The following THSD7B variants were observed in gnomAD, a reference collection of about 807,000 sequenced individuals.
THSD7B encodes thrombospondin type-1 domain-containing protein 7B.
A neutral mutation model predicts 213.6 loss-of-function variants in THSD7B; 138 were observed. The observed-to-expected ratio is 0.65, with a 90% CI of 0.56 to 0.74. The LOEUF (loss-of-function observed/expected upper bound fraction) is 0.74. THSD7B is among the 30% of genes least tolerant of loss of function. The pLI, the probability that THSD7B is intolerant of heterozygous loss-of-function variation, is 0.00. For synonymous variants in THSD7B, 742 were observed against 687.0 expected (o/e 1.08, Z -1.25); for missense variants, 1,931 against 1,991.5 (o/e 0.97, Z 0.58).
At chr2:137,157,291 T>C (rs1679927783) in intron 5 of THSD7B, among the ~76,000 whole-genome samples, 1 of 152,162 alleles carries the variant, frequency 6.6e-6, no homozygotes, top group Admixed American at 6.6e-5. Context: ...AAGCTGCCCA[T>C]GGGGTCTCCA....
chr2:137,061,669 A>G (rs543350142), intron 3 of THSD7B, among the ~76,000 whole-genome samples: 4 of 151,838 alleles, frequency 2.6e-5, no homozygotes, highest in South Asian at 4.1e-4. Flanking sequence ...ACATTAATTG[A>G]TTTTCAAATG....
At position 136,825,718 on chromosome 2, in the gene THSD7B, A is replaced by ATTTTTTTTTTTTTTGTCTTTTT. The variant is rs759978910; in HGVS notation, c.-35-56412_-35-56411insGTCTTTTTTTTTTTTTTTTTTT. ...AGGTGCTCACTGCCATGCCTGGCTA[A>ATTTTTTTTTTTTTTGTCTTTTT]TTTTTTTTTTTTTTTTAGATCTGGG... On this transcript the variant is annotated intron_variant, in intron 1 of 27. Transcript: ENST00000409968. Among the ~76,000 whole-genome samples the ATTTTTTTTTTTTTTGTCTTTTT allele has an allele frequency of 2.0e-4, 23 of 116,894 alleles. 1 individual carries two copies. Among genetic ancestry groups the ATTTTTTTTTTTTTTGTCTTTTT allele is most frequent in the Non-Finnish European group, 3.4e-5 (2 of 59,410 alleles). The allele number at this position is 116,894 out of a possible 152,430, so 76.7% of individuals were successfully genotyped here. A position where few individuals can be genotyped will look rare whatever the true frequency, so the allele number is the denominator to read the frequency against.
At chr2:137,195,450 G>T (rs1558954133) in intron 7 of THSD7B, among the ~76,000 whole-genome samples, 3 of 151,916 alleles carry the variant, frequency 2.0e-5, no homozygotes, top group Non-Finnish European at 2.9e-5. Flanking sequence ...GTGCGAATCA[G>T]AAAAAACAAG....
At chr2:137,635,880 T>C (rs1682823776) in intron 20 of THSD7B, among the ~76,000 whole-genome samples, 2 of 152,130 alleles carry the variant, frequency 1.3e-5, no homozygotes, top group Admixed American at 6.6e-5. Context: ...TTTTTGTATT[T>C]TTAGTAGAAA....
At chr2:137,534,237 G>A (rs1680460201) in intron 15 of THSD7B, among the ~76,000 whole-genome samples, 1 of 151,594 alleles carries the variant, frequency 6.6e-6, no homozygotes, top group African/African-American at 2.4e-5. Flanking sequence ...ATTTATGAAG[G>A]GGTAAAGAGG....
chr2:137,117,752 A>G (rs1357381940), intron 5 of THSD7B, among the ~76,000 whole-genome samples: 1 of 152,146 alleles, frequency 6.6e-6, no homozygotes, highest in Non-Finnish European at 1.5e-5. Flanking sequence ...AACAGACTTC[A>G]TTTCCATGGA....
At chr2:137,378,335 A>T (rs955760864) in intron 12 of THSD7B, among the ~76,000 whole-genome samples, 7 of 152,320 alleles carry the variant, frequency 4.6e-5, no homozygotes, top group Middle Eastern at 3.4e-3. Context: ...AGGAGTGGCT[A>T]AAGAACTTCT....
At chr2:136,971,865 A>G (rs775230109) in intron 2 of THSD7B, among the ~76,000 whole-genome samples, 3 of 152,116 alleles carry the variant, frequency 2.0e-5, no homozygotes, top group Non-Finnish European at 4.4e-5. Flanking sequence ...TGGTACTGGC[A>G]GGGATTGGGC....
chr2:137,209,684 G>A (rs1476043820), intron 7 of THSD7B, among the ~76,000 whole-genome samples: 1 of 151,980 alleles, frequency 6.6e-6, no homozygotes, highest in East Asian at 1.9e-4. Flanking sequence ...TTATTTACAT[G>A]CAATTCTAAC....
chr2:137,640,996 G>T (rs1458276175), intron 20 of THSD7B, among the ~76,000 whole-genome samples: 1 of 152,122 alleles, frequency 6.6e-6, no homozygotes, highest in Non-Finnish European at 1.5e-5. Context: ...ACAGTAAGAG[G>T]TCTAGTTCTT....
chr2:136,992,595 G>A (rs570211874), intron 2 of THSD7B, among the ~76,000 whole-genome samples: 1 of 152,270 alleles, frequency 6.6e-6, no homozygotes, highest in South Asian at 2.1e-4. Flanking sequence ...TGATTCTGAG[G>A]GCAGACACTG....
At chr2:137,051,725 A>T (rs1221744892) in intron 2 of THSD7B, among the ~76,000 whole-genome samples, 3 of 152,190 alleles carry the variant, frequency 2.0e-5, no homozygotes, top group Non-Finnish European at 4.4e-5. Context: ...AAAATAAAGC[A>T]AACATCTCTT....
At chr2:137,314,795 G>T (rs1396122802) in intron 12 of THSD7B, among the ~76,000 whole-genome samples, 1 of 152,190 alleles carries the variant, frequency 6.6e-6, no homozygotes, top group Non-Finnish European at 1.5e-5. Flanking sequence ...CCCTGCTGGG[G>T]GTTGCCTCCC....
chr2:137,008,450 G>A (rs910491668), intron 2 of THSD7B, among the ~76,000 whole-genome samples: 2 of 152,188 alleles, frequency 1.3e-5, no homozygotes, highest in East Asian at 1.9e-4. Flanking sequence ...CCAGTAAAAT[G>A]TCTTAATTAC....
chr2:137,188,018 T>G (rs1680583279), intron 7 of THSD7B, among the ~76,000 whole-genome samples: 1 of 152,160 alleles, frequency 6.6e-6, no homozygotes. Context: ...CACTGTAAGA[T>G]AAGTCTCATT....
chr2:137,379,511 C>T (rs1685728592), intron 12 of THSD7B, among the ~76,000 whole-genome samples: 2 of 152,190 alleles, frequency 1.3e-5, no homozygotes, highest in African/African-American at 2.4e-5. Flanking sequence ...ATATTGTGCT[C>T]CCACAAACTG....
At chr2:137,372,947 G>A (rs1685564466) in intron 12 of THSD7B, among the ~76,000 whole-genome samples, 1 of 148,288 alleles carries the variant, frequency 6.7e-6, no homozygotes, top group Non-Finnish European at 1.5e-5. Context: ...AATATGTGGT[G>A]TTTGGTTTTT....
At position 137,021,080 on chromosome 2, in the gene THSD7B, G is replaced by A. The variant is rs1686438581; in HGVS notation, c.140-35340G>A. ...CACTTGTGGAACTGCAGAGTTTTTCGAGTAGAAATGTGTATTTCTATGTAG... is the reference window on the plus strand; with the variant it reads ...CACTTGTGGAACTGCAGAGTTTTTCAAGTAGAAATGTGTATTTCTATGTAG... On this transcript the variant is annotated intron_variant, in intron 2 of 27. Transcript: ENST00000409968. 3.9e-5 allele frequency among the ~76,000 whole-genome samples: 6 copies of A among 152,228 alleles called. No homozygotes were observed. In the South Asian group the frequency reaches 1.0e-3, roughly 26 times the overall value.
intron 2 of THSD7B, among the ~76,000 whole-genome samples, chr2:136,998,909 GACAC>G (rs57138045): frequency 0.15 from 19,947 of 129,496 alleles, 1,307 homozygotes; most frequent in Middle Eastern, 0.24. Context: ...ATACCCAACA[GACAC>G]ACACACACAC....
Sources: gnomAD v4.1 joint callset for allele counts (sites outside exome capture counted in the v4.1 genomes callset) on GRCh38, gnomAD v4.1.1 for gene constraint, MANE v1.5 for transcripts, NCBI Gene and HGNC (gene_info 2026-07-23, HGNC 2026-07-21) for gene names.